ADAM7: variants seen among roughly 807,000 people sequenced by gnomAD.
ADAM7 encodes the protein disintegrin and metalloproteinase domain-containing protein 7.
In ADAM7, 97 loss-of-function variants were observed where a neutral mutation model predicts 102.9. The observed-to-expected ratio is 0.94, with a 90% CI of 0.80 to 1.12. ADAM7 has a LOEUF of 1.12. Ranked by LOEUF, ADAM7 falls within the 50% of genes most tolerant of loss-of-function variation. The pLI is 0.00. For synonymous variants in ADAM7, 334 were observed against 304.4 expected (o/e 1.10, Z -1.01); for missense variants, 991 against 908.7 (o/e 1.09, Z -1.16).
Position 24,500,217 on chromosome 8 carries a change from C to A in ADAM7, c.1963C>A (p.Gln655Lys), listed in dbSNP as rs1370856049. 1.2e-6 allele frequency: 2 copies of A among 1,612,212 alleles called. No individual in the cohort carries two copies. Among genetic ancestry groups the A allele is most frequent in the Admixed American group, 3.3e-5 (2 of 59,862 alleles). ...ACTCCAGTGCCACTGTGAGGAAGGA[C>A]AGGCACCTGTAGCCTGTGAAGAAAC... ...HGLQCHCEEG[Q>K]APVACEETLH... The change falls in exon 18 of 22, where the codon CAG (glutamine) becomes AAG (lysine). Residue 655 changes from glutamine to lysine, a missense_variant. By Grantham distance (53) the Gln-to-Lys change is moderately conservative. Coordinates refer to ENST00000175238, the MANE Select transcript of ADAM7 (RefSeq NM_003817.4).
intron 3 of ADAM7, among the ~76,000 whole-genome samples, chr8:24,459,549 A>G (rs938434493): frequency 1.3e-5 from 2 of 151,958 alleles, no homozygotes; most frequent in East Asian, 3.9e-4. Flanking sequence ...TCAACCTCCC[A>G]GTCTCTAGGC....
At chr8:24,483,935 C>T (rs1820047130) in intron 9 of ADAM7, among the ~76,000 whole-genome samples, 1 of 152,134 alleles carries the variant, frequency 6.6e-6, no homozygotes, top group African/African-American at 2.4e-5. Context: ...GGGTGAAATG[C>T]TACTAAATAG....
At chr8:24,483,390 T>G (rs1420425443) in intron 9 of ADAM7, among the ~76,000 whole-genome samples, 1 of 152,162 alleles carries the variant, frequency 6.6e-6, no homozygotes, top group African/African-American at 2.4e-5. Context: ...AGCTACTGTA[T>G]TAAAATAGTG....
chr8:24,456,028 T>C (rs1819020235), intron 3 of ADAM7, among the ~76,000 whole-genome samples: 1 of 152,308 alleles, frequency 6.6e-6, no homozygotes, highest in Middle Eastern at 3.4e-3. Flanking sequence ...TATTATTAAG[T>C]AAATTCACCA....
At chr8:24,444,739 T>C (rs1428926315) in intron 2 of ADAM7, among the ~76,000 whole-genome samples, 1 of 150,898 alleles carries the variant, frequency 6.6e-6, no homozygotes, top group Non-Finnish European at 1.5e-5. Flanking sequence ...TTCAGGAGGC[T>C]AAGGAGACCT....
Position 24,482,275 on chromosome 8 carries a change from A to C in ADAM7, c.839A>C (p.Lys280Thr). 1 of 1,611,562 alleles carries C rather than the reference A, an allele frequency of 6.2e-7. No individual in the cohort carries two copies. Among genetic ancestry groups the C allele is most frequent in the Non-Finnish European group, 8.5e-7 (1 of 1,179,250 alleles). ...RFSFWQEKIL[K>T]TRKDFDHVVL... The stretch of plus-strand genomic sequence containing the variant: ...TCATTTTGGCAAGAAAAGATCCTTA[A>C]AACACGGAAGGATTTTGATCATGTT... Residue 280 changes from lysine (K) to threonine (T), a missense_variant, in exon 9 of 22, where the codon AAA (lysine) becomes ACA (threonine). By Grantham distance (78) the Lys-to-Thr change is moderately conservative. Coordinates refer to ENST00000175238, the MANE Select transcript of ADAM7 (RefSeq NM_003817.4).
At chr8:24,502,379 T>C (rs981300324) in intron 20 of ADAM7, among the ~76,000 whole-genome samples, 3 of 151,450 alleles carry the variant, frequency 2.0e-5, no homozygotes, top group African/African-American at 7.3e-5. Flanking sequence ...ATAAAGAAAA[T>C]GAAGCCCAAT....
At chr8:24,441,647 T>A (rs1475218065) in intron 1 of ADAM7, among the ~76,000 whole-genome samples, 1 of 152,174 alleles carries the variant, frequency 6.6e-6, no homozygotes, top group Non-Finnish European at 1.5e-5. Flanking sequence ...GCAGGGCTCA[T>A]CTCACAGATG....
chr8:24,493,097 T>C lies in ADAM7; in HGVS notation c.1710T>C (p.Leu570=), dbSNP rs1554543726. The change falls in exon 16 of 22, where the codon CTT becomes CTC. Residue 570 remains leucine, a synonymous_variant. Coordinates refer to ENST00000175238, the MANE Select transcript of ADAM7 (RefSeq NM_003817.4). ...YCTGGELSSL[L]GEDKTYHLKD... ...CTGGAGGGGAGCTTTCCTCTCTCCT[T>C]GGAGAAGACAAGACTTATCACCTTA... is the stretch of plus-strand genomic sequence containing the variant. 15 of 1,612,318 alleles carry C rather than the reference T, an allele frequency of 9.3e-6. No homozygotes were observed. The South Asian group carries it at 1.7e-4, about 18-fold the overall frequency.
At chr8:24,492,658 T>C (rs1820404571) in intron 15 of ADAM7, 61 bp downstream of exon 15, 1 of 1,250,424 alleles carries the variant, frequency 8.0e-7, no homozygotes, top group African/African-American at 1.5e-5. Context: ...AAAATCAGAA[T>C]GGCTCCTGTC....
At chr8:24,504,783 T>C (rs1441520484) in intron 20 of ADAM7, among the ~76,000 whole-genome samples, 1 of 152,100 alleles carries the variant, frequency 6.6e-6, no homozygotes, top group African/African-American at 2.4e-5. Flanking sequence ...AGAACACATA[T>C]ATGACATTTT....
chr8:24,459,587 C>G (rs1819166955), intron 3 of ADAM7, among the ~76,000 whole-genome samples: 1 of 152,110 alleles, frequency 6.6e-6, no homozygotes, highest in Non-Finnish European at 1.5e-5. Context: ...TCCTGAGTAT[C>G]TGAGACTGAA....
intron 6 of ADAM7, among the ~76,000 whole-genome samples, chr8:24,467,934 G>A (rs1819482851): frequency 6.6e-6 from 1 of 151,934 alleles, no homozygotes; most frequent in East Asian, 1.9e-4. Context: ...CAGTAGTGGT[G>A]TGCGCCTGTA....
chr8:24,466,043 G>T (rs1257562869), intron 5 of ADAM7, among the ~76,000 whole-genome samples: 1 of 152,122 alleles, frequency 6.6e-6, no homozygotes, highest in African/African-American at 2.4e-5. Context: ...ATTTAGTCTG[G>T]GCTCTCATTT....
intron 16 of ADAM7, among the ~76,000 whole-genome samples, chr8:24,496,356 G>T (rs1168862377): frequency 1.3e-5 from 2 of 151,876 alleles, no homozygotes; most frequent in Non-Finnish European, 2.9e-5. Context: ...GTGTAGATGA[G>T]AAATGTAGGG....
intron 7 of ADAM7, chr8:24,475,952 C>T (rs1819754872): frequency 2.2e-6 from 1 of 456,340 alleles, no homozygotes; most frequent in African/African-American, 2.0e-5. Context: ...GCTACAGTTT[C>T]CTGTCCCTCT....
intron 17 of ADAM7, 111 bp from the exon 18 acceptor site, chr8:24,500,067 C>A: frequency 2.5e-6 from 2 of 804,222 alleles, no homozygotes; most frequent in Non-Finnish European, 3.7e-6. Flanking sequence ...AAAGTTCGCG[C>A]TTGTGCTTGT....
chr8:24,463,123 T>C (rs953243522), intron 3 of ADAM7, among the ~76,000 whole-genome samples: 2 of 152,120 alleles, frequency 1.3e-5, no homozygotes, highest in African/African-American at 4.8e-5. Flanking sequence ...AACATGAAAA[T>C]GAATATCTTT....
At chr8:24,501,922 T>C (rs1820775321) in intron 20 of ADAM7, among the ~76,000 whole-genome samples, 1 of 152,170 alleles carries the variant, frequency 6.6e-6, no homozygotes, top group Admixed American at 6.6e-5. Context: ...CTGGGCGCAG[T>C]GGCTCACGTC....
Sources: gnomAD v4.1 joint callset for allele counts (sites outside exome capture counted in the v4.1 genomes callset) on GRCh38, gnomAD v4.1.1 for gene constraint, MANE v1.5 for transcripts, NCBI Gene and HGNC (gene_info 2026-07-23, HGNC 2026-07-21) for gene names.